The following MACROD2 variants were observed in gnomAD, a reference collection of about 807,000 sequenced individuals.
MACROD2 encodes mono-ADP ribosylhydrolase 2, also known as ADP-ribose glycohydrolase MACROD2.
A neutral mutation model predicts 70.4 loss-of-function variants in MACROD2; 36 were observed. The observed-to-expected ratio is 0.51, with a 90% confidence interval of 0.39 to 0.68. The LOEUF (loss-of-function observed/expected upper bound fraction) is 0.68. Among genes scored for constraint, MACROD2 ranks in the 30% least tolerant of loss-of-function variants. The probability of loss-of-function intolerance (pLI) is 0.00; values close to 1 mark genes in which losing one functional copy is unlikely to be tolerated. For missense variants in MACROD2, 496 were observed against 538.4 expected, an observed-to-expected ratio of 0.92 and a Z score of 0.78; for synonymous variants, 172 against 178.8, an observed-to-expected ratio of 0.96 and a Z score of 0.30.
At chr20:15,398,128 A>G (rs567276680) in intron 6 of MACROD2, among the ~76,000 whole-genome samples, 3 of 152,326 alleles carry the variant, frequency 2.0e-5, no homozygotes, top group African/African-American at 7.2e-5. Flanking sequence ...TTGGAACTAC[A>G]TGAGGAAGAA....
intron 5 of MACROD2, among the ~76,000 whole-genome samples, chr20:14,728,920 TTAGA>T (rs1159885587): frequency 2.6e-5 from 4 of 152,162 alleles, no homozygotes; most frequent in Non-Finnish European, 2.9e-5. Context: ...AACATTATGG[TTAGA>T]TAGAGTAAAT....
chr20:14,417,784 C>A lies in MACROD2; in HGVS notation c.272-75695C>A, dbSNP rs983941201. 1.3e-5 allele frequency among the ~76,000 whole-genome samples: 2 copies of A among 152,116 alleles called. 1 individual carries two copies. The highest frequency in any genetic ancestry group is 4.1e-4 in the South Asian group (2 of 4,824). ...TGCTGTATTACTTCTGTTTTGAATCCTTCTTCAAGACTTGTCCATCATAGT... is the reference window on the plus strand; with the variant it reads ...TGCTGTATTACTTCTGTTTTGAATCATTCTTCAAGACTTGTCCATCATAGT... On this transcript the variant is annotated intron_variant, in intron 3 of 17. Transcript: ENST00000684519.
chr20:14,251,618 G>A (rs1214734222), intron 3 of MACROD2, among the ~76,000 whole-genome samples: 2 of 152,046 alleles, frequency 1.3e-5, no homozygotes, highest in African/African-American at 2.4e-5. Flanking sequence ...ATTACCACTA[G>A]CATTTGTTAA....
chr20:16,046,249 G>A (rs1199241582), intron 17 of MACROD2, among the ~76,000 whole-genome samples: 5 of 152,044 alleles, frequency 3.3e-5, no homozygotes, highest in South Asian at 2.1e-4. Flanking sequence ...AAAACTAAAT[G>A]TAATGGTATC....
At chr20:15,200,794 T>C (rs1359291584) in intron 5 of MACROD2, among the ~76,000 whole-genome samples, 1 of 152,226 alleles carries the variant, frequency 6.6e-6, no homozygotes, top group Non-Finnish European at 1.5e-5. Context: ...AGATCCTCTA[T>C]ACATCTTTTT....
intron 7 of MACROD2, among the ~76,000 whole-genome samples, chr20:15,480,894 C>T (rs972954543): frequency 2.0e-5 from 3 of 152,106 alleles, no homozygotes. Context: ...TTACATTATT[C>T]CCCCACACTT....
intron 5 of MACROD2, among the ~76,000 whole-genome samples, chr20:15,146,936 C>G (rs1057166736): frequency 1.3e-5 from 2 of 152,098 alleles, no homozygotes; most frequent in African/African-American, 2.4e-5. Context: ...TGCAGCCTTA[C>G]TTGTTTCAAT....
Position 15,206,722 on chromosome 20 carries a change from T to TTTTTTTTTTTTTG in MACROD2, c.419-23206_419-23205insGTTTTTTTTTTTT, listed in dbSNP as rs2076708263. ...CATGAAGTCTTTCATATTATCTATG[T>TTTTTTTTTTTTTG]TTTTTTTTTTTTTTTTTTTTTTTTT... On this transcript the variant is annotated intron_variant, in intron 5 of 17. Coordinates refer to ENST00000684519, the MANE Select transcript of MACROD2 (RefSeq NM_001351661.2). 1.8e-4 allele frequency among the ~76,000 whole-genome samples: 2 copies of TTTTTTTTTTTTTG among 11,246 alleles called. 1 individual carries two copies. The highest frequency in any genetic ancestry group is 3.7e-4 in the Non-Finnish European group (2 of 5,414). The allele number at this position is 11,246 out of a possible 152,430, so 7.4% of individuals were successfully genotyped here. A position where few individuals can be genotyped will look rare whatever the true frequency, so the allele number is the denominator to read the frequency against.
intron 5 of MACROD2, chr20:14,850,103 A>G (rs776078284): frequency 9.3e-6 from 4 of 429,164 alleles, no homozygotes; most frequent in Non-Finnish European, 1.8e-5. Context: ...TAGGATGGAG[A>G]GCCATAGTTT....
intron 5 of MACROD2, among the ~76,000 whole-genome samples, chr20:15,080,945 C>T (rs896197668): frequency 2.6e-5 from 4 of 152,074 alleles, no homozygotes; most frequent in Admixed American, 6.6e-5. Context: ...ATCCACTCCA[C>T]GAGTAAATCT....
chr20:14,031,919 A>G (rs1472588570), intron 2 of MACROD2, among the ~76,000 whole-genome samples: 1 of 152,118 alleles, frequency 6.6e-6, no homozygotes, highest in Non-Finnish European at 1.5e-5. Context: ...GTAAATAATA[A>G]TATTGGGAAT....
chr20:15,517,449 G>A (rs1302655339), intron 8 of MACROD2, among the ~76,000 whole-genome samples: 1 of 152,090 alleles, frequency 6.6e-6, no homozygotes, highest in Non-Finnish European at 1.5e-5. Flanking sequence ...CATCGCTACT[G>A]GAAAAGCGTA....
At chr20:14,656,128 C>G (rs1985962525) in intron 4 of MACROD2, among the ~76,000 whole-genome samples, 1 of 152,162 alleles carries the variant, frequency 6.6e-6, no homozygotes. Context: ...CATAGCCAAT[C>G]CATTTCTCTT....
At chr20:15,418,140 G>T (rs1337805687) in intron 6 of MACROD2, among the ~76,000 whole-genome samples, 1 of 152,136 alleles carries the variant, frequency 6.6e-6, no homozygotes, top group Non-Finnish European at 1.5e-5. Context: ...CTGGGGATAA[G>T]AATAATAATA....
intron 3 of MACROD2, among the ~76,000 whole-genome samples, chr20:14,330,246 G>A (rs1476737211): frequency 2.0e-5 from 3 of 152,162 alleles, no homozygotes; most frequent in African/African-American, 7.2e-5. Context: ...AATGTTGACT[G>A]CTTTGCCCAT....
chr20:15,361,748 G>A (rs903245354), intron 6 of MACROD2, among the ~76,000 whole-genome samples: 8 of 151,854 alleles, frequency 5.3e-5, no homozygotes, highest in African/African-American at 1.9e-4. Flanking sequence ...GTGTTTTATA[G>A]TTTTCAGCAC....
intron 5 of MACROD2, among the ~76,000 whole-genome samples, chr20:15,006,139 ATATGTGTGTG>A (rs2075034590): frequency 1.1e-5 from 1 of 95,020 alleles, no homozygotes; most frequent in African/African-American, 4.0e-5. Flanking sequence ...TTATATATAT[ATATGTGTGTG>A]TGTGTGTGTG....
intron 8 of MACROD2, among the ~76,000 whole-genome samples, chr20:15,590,207 G>A (rs183933279): frequency 1.7e-4 from 26 of 152,318 alleles, no homozygotes; most frequent in African/African-American, 6.0e-4. Flanking sequence ...TACACCTAGT[G>A]TTGTGGAGAA....
At chr20:15,544,640 C>A (rs952357670) in intron 8 of MACROD2, among the ~76,000 whole-genome samples, 1 of 152,242 alleles carries the variant, frequency 6.6e-6, no homozygotes, top group African/African-American at 2.4e-5. Context: ...GGTGTCCAAG[C>A]ATGCTCTTCT....
Sources: allele counts gnomAD v4.1 joint callset (sites outside exome capture counted in the v4.1 genomes callset), GRCh38; gene constraint gnomAD v4.1.1; transcripts MANE v1.5; gene names NCBI Gene and HGNC (gene_info 2026-07-23, HGNC 2026-07-21).